PUDP: variants seen among roughly 807,000 people sequenced by gnomAD.
PUDP encodes the protein pseudouridine 5'-phosphatase.
In PUDP, 8 loss-of-function variants were observed where a neutral mutation model predicts 9.4. The ratio of observed to expected loss-of-function variants is 0.85; its 90% CI spans 0.50 to 1.53. The LOEUF is 1.53. PUDP is among the 40% of genes most tolerant of loss of function. The pLI, the probability that PUDP is intolerant of heterozygous loss-of-function variation, is 0.00. For synonymous variants in PUDP, 99 were observed against 80.7 expected, an observed-to-expected ratio of 1.23 and a Z score of -1.22; for missense variants, 188 against 189.7, an observed-to-expected ratio of 0.99 and a Z score of 0.05.
intron 1 of PUDP, among the ~76,000 whole-genome samples, chrX:7,009,092 T>C (rs1377575421): frequency 1.8e-5 from 2 of 112,555 alleles, no homozygotes; most frequent in Non-Finnish European, 3.8e-5. Context: ...TAAACATCTT[T>C]AGAAAAATGC....
chrX:6,952,702 T>C (rs1328615058), intron 3 of PUDP, among the ~76,000 whole-genome samples: 1 of 110,931 alleles, frequency 9.0e-6, no homozygotes, highest in Non-Finnish European at 1.9e-5. Flanking sequence ...ATGAATGGGA[T>C]TAATGATCTT....
intron 3 of PUDP, among the ~76,000 whole-genome samples, chrX:6,874,165 T>C (rs913348218): frequency 7.2e-5 from 8 of 110,816 alleles, no homozygotes; most frequent in African/African-American, 2.3e-4. Flanking sequence ...GATTTTTTTT[T>C]CCAACCTGAG....
At chrX:6,808,292 C>T (rs1280949332) in intron 3 of PUDP, among the ~76,000 whole-genome samples, 1 of 112,083 alleles carries the variant, frequency 8.9e-6, no homozygotes, top group Non-Finnish European at 1.9e-5. Flanking sequence ...TGTATTTTTG[C>T]TCTCACATCT....
intron 3 of PUDP, among the ~76,000 whole-genome samples, chrX:6,832,015 A>C (rs1218251305): frequency 1.8e-5 from 2 of 112,120 alleles, no homozygotes; most frequent in Non-Finnish European, 3.8e-5. Flanking sequence ...AAAGACTCTC[A>C]AAATGTGCTA....
At chrX:7,021,170 T>C (rs1276137831) in intron 1 of PUDP, among the ~76,000 whole-genome samples, 1 of 112,441 alleles carries the variant, frequency 8.9e-6, no homozygotes, top group East Asian at 2.8e-4. Context: ...ATGGTATTCC[T>C]GCTCAAACAC....
intron 1 of PUDP, among the ~76,000 whole-genome samples, chrX:6,988,662 C>T (rs1929134754): frequency 9.0e-6 from 1 of 111,436 alleles, no homozygotes; most frequent in Non-Finnish European, 1.9e-5. Context: ...TTATCTCCTG[C>T]TAAAGAATGG....
chrX:6,827,162 C>T (rs1396225327), intron 3 of PUDP, among the ~76,000 whole-genome samples: 2 of 111,948 alleles, frequency 1.8e-5, no homozygotes, highest in African/African-American at 6.5e-5. Context: ...CTTACATAAA[C>T]CTCAGTGTTG....
intron 1 of PUDP, among the ~76,000 whole-genome samples, chrX:6,709,157 C>G (rs796105326): frequency 3.6e-5 from 4 of 111,828 alleles, no homozygotes; most frequent in South Asian, 3.7e-4. Context: ...GTCACTCCCC[C>G]CACTTCAAAT....
At chrX:6,963,646 G>C (rs1196241146) in intron 3 of PUDP, among the ~76,000 whole-genome samples, 1 of 111,977 alleles carries the variant, frequency 8.9e-6, no homozygotes, top group Non-Finnish European at 1.9e-5. Context: ...GGCTGTAACT[G>C]AGAGATCCGC....
intron 1 of PUDP, among the ~76,000 whole-genome samples, chrX:7,131,710 C>T (rs758862404): frequency 2.0e-4 from 22 of 108,422 alleles, no homozygotes; most frequent in African/African-American, 6.0e-4. Flanking sequence ...AGTGTCTAAG[C>T]GCCAACAGTC....
chrX:6,890,428 G>T (rs1341671692), intron 3 of PUDP, among the ~76,000 whole-genome samples: 1 of 111,755 alleles, frequency 8.9e-6, no homozygotes, highest in African/African-American at 3.3e-5. Flanking sequence ...CAGTTTTGAG[G>T]TCATTTGCTG....
At chrX:7,067,965 A>C (rs1320764336) in intron 3 of PUDP, among the ~76,000 whole-genome samples, 3 of 111,550 alleles carry the variant, frequency 2.7e-5, no homozygotes, top group African/African-American at 9.8e-5. Flanking sequence ...CCATCCATGT[A>C]AGACATGACT....
intron 3 of PUDP, among the ~76,000 whole-genome samples, chrX:6,882,505 A>G (rs1309607758): frequency 1.8e-5 from 2 of 111,394 alleles, no homozygotes; most frequent in Non-Finnish European, 3.8e-5. Context: ...TTATGCAACC[A>G]TTTTCGGGGG....
chrX:6,880,171 C>T (rs1272938929), intron 3 of PUDP, among the ~76,000 whole-genome samples: 3 of 108,732 alleles, frequency 2.8e-5, no homozygotes, highest in South Asian at 4.0e-4. Flanking sequence ...AGTTCTTTAG[C>T]GGTGATTTCT....
chrX:6,985,565 G>A (rs987755045), intron 1 of PUDP, among the ~76,000 whole-genome samples: 1 of 111,383 alleles, frequency 9.0e-6, no homozygotes, highest in Non-Finnish European at 1.9e-5. Context: ...AAAGGCCTGG[G>A]CAGAACTCTT....
intron 1 of PUDP, among the ~76,000 whole-genome samples, chrX:7,130,119 G>C (rs1932581681): frequency 9.0e-6 from 1 of 111,342 alleles, no homozygotes; most frequent in South Asian, 3.8e-4. Flanking sequence ...AGGAGGACTG[G>C]GCCCTCTACT....
At chrX:7,147,696 G>C (rs1029160934) in intron 1 of PUDP, among the ~76,000 whole-genome samples, 1 of 112,003 alleles carries the variant, frequency 8.9e-6, no homozygotes, top group Non-Finnish European at 1.9e-5. Context: ...AGAGCGCGGA[G>C]GTCCCGCCGC....
chrX:7,017,865 A>G (rs1386960854), intron 1 of PUDP, among the ~76,000 whole-genome samples: 7 of 111,738 alleles, frequency 6.3e-5, no homozygotes, highest in Non-Finnish European at 1.1e-4. Flanking sequence ...AAGGCATTCT[A>G]TGTCACAGGA....
intron 3 of PUDP, among the ~76,000 whole-genome samples, chrX:6,874,508 G>C (rs1352744914): frequency 8.9e-6 from 1 of 112,618 alleles, no homozygotes; most frequent in Non-Finnish European, 1.9e-5. Flanking sequence ...TATCAGTGTA[G>C]ATGTCAGTCC....
Sources: gnomAD v4.1 joint callset for allele counts (sites outside exome capture counted in the v4.1 genomes callset) on GRCh38, gnomAD v4.1.1 for gene constraint, MANE v1.5 for transcripts, NCBI Gene and HGNC (gene_info 2026-07-23, HGNC 2026-07-21) for gene names.